The following PRKCQ variants were observed in gnomAD, a reference collection of about 807,000 sequenced individuals.
PRKCQ encodes protein kinase C theta.
Under a neutral mutation model 91.2 loss-of-function variants are expected in PRKCQ, and 41 were observed. The ratio of observed to expected loss-of-function variants is 0.45; its 90% CI spans 0.35 to 0.58. The LOEUF (loss-of-function observed/expected upper bound fraction) is 0.58, where lower values mean the gene tolerates loss of function less well. Among genes scored for constraint, PRKCQ ranks in the 20% least tolerant of loss-of-function variants. PRKCQ has a pLI of 0.00. For missense variants in PRKCQ, 673 were observed against 896.5 expected (o/e 0.75, Z 3.18); for synonymous variants, 307 against 316.9 (o/e 0.97, Z 0.33).
At chr10:6,475,205 T>C (rs502919) in intron 12 of PRKCQ, among the ~76,000 whole-genome samples, 28,731 of 152,100 alleles carry the variant, frequency 0.19, 2,854 homozygotes, top group Middle Eastern at 0.33. Flanking sequence ...AATTATCCTG[T>C]ACATCTATGT....
chr10:6,529,685 C>T (rs1263834807), intron 1 of PRKCQ, among the ~76,000 whole-genome samples: 1 of 152,170 alleles, frequency 6.6e-6, no homozygotes, highest in Non-Finnish European at 1.5e-5. Flanking sequence ...TAGGCCAGCT[C>T]TATCAGTTTC....
intron 12 of PRKCQ, among the ~76,000 whole-genome samples, chr10:6,478,451 C>T (rs763272986): frequency 1.2e-4 from 19 of 152,242 alleles, no homozygotes; most frequent in African/African-American, 3.4e-4. Flanking sequence ...CCTCCCAGAA[C>T]GGCACAGCCT....
intron 4 of PRKCQ, among the ~76,000 whole-genome samples, chr10:6,504,361 C>G (rs533680422): frequency 2.6e-5 from 4 of 152,322 alleles, no homozygotes; most frequent in African/African-American, 9.6e-5. Flanking sequence ...CTCTTGCCCT[C>G]CAACATCTGT....
intron 1 of PRKCQ, among the ~76,000 whole-genome samples, chr10:6,537,607 C>T (rs1279537538): frequency 1.3e-5 from 2 of 152,172 alleles, no homozygotes; most frequent in Non-Finnish European, 2.9e-5. Context: ...AAGTGCTGTT[C>T]TGTGAGGATT....
intron 11 of PRKCQ, among the ~76,000 whole-genome samples, chr10:6,479,719 TA>T (rs1267384545): frequency 1.4e-5 from 2 of 142,048 alleles, no homozygotes; most frequent in Admixed American, 7.4e-5. Context: ...CATCTGAGGT[TA>T]GGAGTTCGAG....
Position 6,483,617 on chromosome 10 carries a change from G to T in PRKCQ, c.1019-17C>A, listed in dbSNP as rs183342237. 3.1e-6 allele frequency: 5 copies of T among 1,612,610 alleles called. No individual in the cohort carries two copies. The South Asian group carries it at 4.4e-5, about 14-fold the overall frequency. ...CCTGAGGCTCTGAAAATGCAAGCTG[G>T]TGGTTAAAAATGAACATGGAGTAAT... On this transcript the variant is annotated splice_polypyrimidine_tract_variant and intron_variant, in intron 10 of 17. Coordinates refer to ENST00000263125, the MANE Select transcript of PRKCQ (RefSeq NM_006257.5).
chr10:6,502,608 T>C (rs998841840), intron 4 of PRKCQ, among the ~76,000 whole-genome samples: 1 of 152,130 alleles, frequency 6.6e-6, no homozygotes, highest in Non-Finnish European at 1.5e-5. Flanking sequence ...ATGGTCAGAT[T>C]TGAGCTTGGC....
At chr10:6,414,008 G>T in the PRKCQ span, among the ~76,000 whole-genome samples, 2 of 152,214 alleles carry the variant, frequency 1.3e-5, no homozygotes, top group African/African-American at 4.8e-5. Flanking sequence ...GAATCTCAGT[G>T]GTCCCTGAAA....
At chr10:6,448,757 T>C (rs1480850753) in intron 15 of PRKCQ, among the ~76,000 whole-genome samples, 1 of 152,110 alleles carries the variant, frequency 6.6e-6, no homozygotes, top group Non-Finnish European at 1.5e-5. Context: ...TGATGAAGCA[T>C]AGATATTTTT....
In PRKCQ at chr10:6,428,900, A is replaced by G. The variant is rs1376847979; in HGVS notation, c.1966-538T>C. 4.6e-5 allele frequency among the ~76,000 whole-genome samples: 7 copies of G among 152,248 alleles called. 1 individual carries two copies. Among genetic ancestry groups the G allele is most frequent in the Non-Finnish European group, 1.0e-4 (7 of 68,042 alleles). ...TATCTTGGGCTTTTTTAGACAGCAC[A>G]GACTGGGACAGACTCCTTTCAGACC... On this transcript the variant is annotated intron_variant, in intron 17 of 17. Coordinates refer to ENST00000263125, the MANE Select transcript of PRKCQ (RefSeq NM_006257.5).
intron 14 of PRKCQ, 103 bp downstream of exon 14, chr10:6,462,200 A>T: frequency 9.4e-7 from 1 of 1,058,742 alleles, no homozygotes; most frequent in Non-Finnish European, 1.4e-6. Context: ...GCTTACTCCC[A>T]GGAAATCACA....
intron 1 of PRKCQ, among the ~76,000 whole-genome samples, chr10:6,553,500 A>C (rs1232369519): frequency 2.5e-5 from 3 of 122,282 alleles, no homozygotes; most frequent in African/African-American, 9.2e-5. Context: ...AAAAAAAAAA[A>C]AAAAAAAAAA....
chr10:6,502,830 T>C (rs537349853), intron 4 of PRKCQ, among the ~76,000 whole-genome samples: 25 of 152,348 alleles, frequency 1.6e-4, no homozygotes, highest in African/African-American at 5.5e-4. Flanking sequence ...TTAAGTACGA[T>C]AGTAAGTTAC....
the PRKCQ span, among the ~76,000 whole-genome samples, chr10:6,420,208 C>G: frequency 6.6e-6 from 1 of 152,222 alleles, no homozygotes; most frequent in African/African-American, 2.4e-5. Context: ...AAGCTGGTGT[C>G]GAACTCCTGA....
intron 1 of PRKCQ, among the ~76,000 whole-genome samples, chr10:6,547,778 C>T (rs556447494): frequency 1.4e-4 from 22 of 151,796 alleles, no homozygotes; most frequent in African/African-American, 5.3e-4. Flanking sequence ...CCATAAAAAC[C>T]CTAGAAGAAA....
chr10:6,477,862 C>T (rs7068149), intron 12 of PRKCQ, among the ~76,000 whole-genome samples: 3,158 of 152,114 alleles, frequency 0.021, 95 homozygotes, highest in African/African-American at 0.063. Context: ...AGTGAGACTC[C>T]GTCTCAAAAC....
chr10:6,541,663 T>C lies in PRKCQ; in HGVS notation c.-9-26519A>G, dbSNP rs79872194. On this transcript the variant is annotated intron_variant, in intron 1 of 17. Coordinates refer to ENST00000263125, the MANE Select transcript of PRKCQ (RefSeq NM_006257.5). ...GTGAATCTGGCATGAATTTAGTAAG[T>C]CCATGTTGAGACCTACTGATTACTT... Among the ~76,000 whole-genome samples the C allele has an allele frequency of 3.2e-4, 48 of 152,310 alleles. No individual in the cohort carries two copies. The East Asian group carries it at 9.1e-3, about 29-fold the overall frequency.
chr10:6,457,266 T>C (rs4750491), intron 14 of PRKCQ, among the ~76,000 whole-genome samples: 45,397 of 152,134 alleles, frequency 0.3, 7,038 homozygotes, highest in East Asian at 0.42. Flanking sequence ...AACGCCAGAA[T>C]GTCATGCCAA....
intron 1 of PRKCQ, among the ~76,000 whole-genome samples, chr10:6,519,601 C>CTT (rs1838914670): frequency 5.3e-5 from 8 of 152,164 alleles, no homozygotes; most frequent in Non-Finnish European, 1.2e-4. Flanking sequence ...GGCATTCTTT[C>CTT]CCGATAAGCA....
Sources: gnomAD v4.1 joint callset for allele counts (sites outside exome capture counted in the v4.1 genomes callset) on GRCh38, gnomAD v4.1.1 for gene constraint, MANE v1.5 for transcripts, NCBI Gene and HGNC (gene_info 2026-07-23, HGNC 2026-07-21) for gene names.